Variants in INO80D observed in about 807,000 individuals in gnomAD.
INO80D encodes the protein INO80 complex subunit D.
In INO80D, 21 loss-of-function variants were observed where a neutral mutation model predicts 87.6. The observed-to-expected ratio is 0.24, with a 90% confidence interval of 0.17 to 0.35. INO80D has a LOEUF of 0.35. Among genes scored for constraint, INO80D ranks in the 10% least tolerant of loss-of-function variants. The pLI, the probability that INO80D is intolerant of heterozygous loss-of-function variation, is 1.00. For missense variants in INO80D, 982 were observed against 1,280.7 expected, an observed-to-expected ratio of 0.77 and a Z score of 3.56; for synonymous variants, 440 against 491.0, an observed-to-expected ratio of 0.90 and a Z score of 1.37.
At chr2:206,073,941 C>G (rs1052114184) in intron 1 of INO80D, among the ~76,000 whole-genome samples, 2 of 152,066 alleles carry the variant, frequency 1.3e-5, no homozygotes, top group Non-Finnish European at 2.9e-5. Flanking sequence ...AACTCCTAGT[C>G]TCAGTGAGCC....
At chr2:206,015,877 ACT>A (rs1258321918) in intron 8 of INO80D, among the ~76,000 whole-genome samples, 3 of 151,280 alleles carry the variant, frequency 2.0e-5, no homozygotes, top group African/African-American at 4.9e-5. Context: ...ACAGAGTGAG[ACT>A]CTGTCTCCAA....
At chr2:206,072,563 C>T (rs1690003297) in intron 1 of INO80D, among the ~76,000 whole-genome samples, 2 of 152,088 alleles carry the variant, frequency 1.3e-5, no homozygotes, top group African/African-American at 4.8e-5. Context: ...CAGGCATGAG[C>T]CACCGCGCCT....
At chr2:206,031,565 G>A (rs1288490875) in intron 5 of INO80D, among the ~76,000 whole-genome samples, 6 of 152,172 alleles carry the variant, frequency 3.9e-5, no homozygotes, top group Non-Finnish European at 5.9e-5. Context: ...GGACAGCACC[G>A]CCACTGCTGC....
At position 206,009,768 on chromosome 2, in the gene INO80D, G is replaced by A. The variant is rs1446221790; in HGVS notation, c.1569C>T (p.Ser523=). ...KMDNFLRGDN[S]RKVQHQQQRK... ...TCTGCTGCTGGTGCTGAACTTTACG[G>A]GAGTTATCTCCTCTCAAGAAATTAT... Residue 523 remains serine (S), a synonymous_variant, in exon 9 of 11, where the codon TCC becomes TCT. Transcript: ENST00000403263. 1.9e-6 allele frequency: 3 copies of A among 1,612,762 alleles called. No individual in the cohort carries two copies. Among genetic ancestry groups the A allele is most frequent in the Admixed American group, 1.7e-5 (1 of 59,796 alleles).
chr2:206,075,129 C>A (rs561041774), intron 1 of INO80D, among the ~76,000 whole-genome samples: 3 of 151,288 alleles, frequency 2.0e-5, no homozygotes, highest in Non-Finnish European at 4.4e-5. Context: ...TTACTTCTTA[C>A]AAATACAGAG....
At chr2:206,025,540 A>ATATATATATATATAT (rs1553616172) in intron 6 of INO80D, 2 of 63,286 alleles carry the variant, frequency 3.2e-5, no homozygotes, top group East Asian at 7.6e-4. Flanking sequence ...AAAAAAAAAA[A>ATATATATATATATAT]AAATATATAT....
At chr2:206,078,814 GGC>G (rs1259969092) in intron 1 of INO80D, among the ~76,000 whole-genome samples, 1 of 151,800 alleles carries the variant, frequency 6.6e-6, no homozygotes, top group African/African-American at 2.4e-5. Context: ...TGTGGTGGTG[GGC>G]GCCTGTAATC....
intron 1 of INO80D, among the ~76,000 whole-genome samples, chr2:206,078,061 CAAAAAAAAAAA>C (rs71410859): frequency 1.9e-4 from 12 of 63,062 alleles, no homozygotes; most frequent in African/African-American, 2.5e-4. Context: ...GCAATGTTTA[CAAAAAAAAAAA>C]AAAAAAAAAA....
At chr2:206,022,932 CTCA>C (rs1188273606) in intron 6 of INO80D, among the ~76,000 whole-genome samples, 1 of 152,180 alleles carries the variant, frequency 6.6e-6, no homozygotes, top group Non-Finnish European at 1.5e-5. Flanking sequence ...GGCGCAGTGG[CTCA>C]TGTTTGTAAT....
At chr2:206,026,106 C>A (rs972806187) in intron 6 of INO80D, among the ~76,000 whole-genome samples, 2 of 152,044 alleles carry the variant, frequency 1.3e-5, no homozygotes, top group Non-Finnish European at 2.9e-5. Context: ...ATCACGTTGT[C>A]CAGGCTAATC....
chr2:206,052,782 AACCT>A (rs1689408858), intron 4 of INO80D, among the ~76,000 whole-genome samples: 1 of 145,962 alleles, frequency 6.9e-6, no homozygotes, highest in Non-Finnish European at 1.5e-5. Context: ...ACAGAGCAAG[AACCT>A]GTCTCAAAAA....
chr2:206,001,698 T>G lies in INO80D; in HGVS notation c.*2670A>C, dbSNP rs755283714. The G allele has an allele frequency of 6.6e-6, 1 of 152,188 alleles. No individual in the cohort carries two copies. Among genetic ancestry groups the G allele is most frequent in the African/African-American group, 2.4e-5 (1 of 41,446 alleles). The allele number at this position is 152,188 out of a possible 1,614,324, so 9.4% of individuals were successfully genotyped here. A position where few individuals can be genotyped will look rare whatever the true frequency, so the allele number is the denominator to read the frequency against. ...GTTCTCCTCTCTTCCAAAAAGGGAC[T>G]CATAAGAAACAGCAAGAGCAAAGCA... On this transcript the variant is annotated 3_prime_UTR_variant, in exon 11 of 11. Coordinates refer to ENST00000403263, the MANE Select transcript of INO80D (RefSeq NM_017759.5).
intron 8 of INO80D, among the ~76,000 whole-genome samples, chr2:206,013,594 A>T (rs1312668228): frequency 6.6e-6 from 1 of 152,056 alleles, no homozygotes; most frequent in Non-Finnish European, 1.5e-5. Context: ...AAATTCATTC[A>T]TAATAAGTTC....
In INO80D at chr2:206,076,527, T is replaced by C. The variant is rs962254961; in HGVS notation, c.-124+9374A>G. Among the ~76,000 whole-genome samples the C allele has an allele frequency of 3.9e-5, 6 of 152,324 alleles. No homozygotes were observed. In the South Asian group the frequency reaches 6.2e-4, roughly 16 times the overall value. Reference sequence around the variant, plus strand: ...ATGAAAATCTATCAACTGATGTGACTGGAAGAGAAAGAAGCAGTGAGAAAA... The same window carrying C: ...ATGAAAATCTATCAACTGATGTGACCGGAAGAGAAAGAAGCAGTGAGAAAA... On this transcript the variant is annotated intron_variant, in intron 1 of 10. Transcript: ENST00000403263.
At position 205,994,887 on chromosome 2, in the gene INO80D, A is replaced by AAAAAG. The variant is rs1553612838; in HGVS notation, c.*9480_*9481insCTTTT. ...ACTTGGAACTCGCAAAAAAAAAAAAAAAAGAAAGAAAGAAAGAAAGAAAAA... is the reference window on the plus strand; with the variant it reads ...ACTTGGAACTCGCAAAAAAAAAAAAAAAAAGAAAGAAAGAAAGAAAGAAAGAAAAA... On this transcript the variant is annotated 3_prime_UTR_variant, in exon 11 of 11. Transcript: ENST00000403263. 19 of 151,026 alleles carry AAAAAG rather than the reference A, an allele frequency of 1.3e-4. No individual in the cohort carries two copies. The highest frequency in any genetic ancestry group is 4.2e-4 in the African/African-American group (17 of 40,868). The allele number at this position is 151,026 out of a possible 1,614,324, so 9.4% of individuals were successfully genotyped here. A position where few individuals can be genotyped will look rare whatever the true frequency, so the allele number is the denominator to read the frequency against.
rs575871647 is a variant in INO80D at position 206,003,514 on chromosome 2, T to C, written c.*854A>G. ...CATCCCAGGCAAGCTTTTTAGGACA[T>C]CCCTACCTCACTGACGGGAATCCAA... is the stretch of plus-strand genomic sequence containing the variant. On this transcript the variant is annotated 3_prime_UTR_variant, in exon 11 of 11. Coordinates refer to ENST00000403263, the MANE Select transcript of INO80D (RefSeq NM_017759.5). 6.6e-6 allele frequency: 1 copy of C among 152,186 alleles called. No homozygotes were observed. The highest frequency in any genetic ancestry group is 2.4e-5 in the African/African-American group (1 of 41,444). 9.4% of individuals were successfully genotyped at this position (152,186 alleles called of 1,614,324 possible). A position where few individuals can be genotyped will look rare whatever the true frequency, so the allele number is the denominator to read the frequency against.
At chr2:206,059,321 C>T (rs1240652495) in intron 3 of INO80D, among the ~76,000 whole-genome samples, 1 of 152,048 alleles carries the variant, frequency 6.6e-6, no homozygotes, top group Non-Finnish European at 1.5e-5. Flanking sequence ...GTAGAGGCTG[C>T]AGTGAGCCGA....
At chr2:206,068,493 G>C (rs977256708) in intron 1 of INO80D, among the ~76,000 whole-genome samples, 4 of 152,036 alleles carry the variant, frequency 2.6e-5, no homozygotes, top group African/African-American at 9.7e-5. Flanking sequence ...AGTTTTATTG[G>C]AACACAGCCA....
At chr2:206,068,834 C>T (rs1021679761) in intron 1 of INO80D, among the ~76,000 whole-genome samples, 1 of 151,880 alleles carries the variant, frequency 6.6e-6, no homozygotes, top group East Asian at 1.9e-4. Context: ...TGAGTAGCTG[C>T]GACTAAAGGC....
Sources: allele counts gnomAD v4.1 joint callset (sites outside exome capture counted in the v4.1 genomes callset), GRCh38; gene constraint gnomAD v4.1.1; transcripts MANE v1.5; gene names NCBI Gene and HGNC (gene_info 2026-07-23, HGNC 2026-07-21).